SHISA9: variants seen among roughly 807,000 people sequenced by gnomAD.
SHISA9 encodes protein shisa-9.
A neutral mutation model predicts 38.0 loss-of-function variants in SHISA9; 13 were observed. The ratio of observed to expected loss-of-function variants is 0.34; its 90% CI spans 0.22 to 0.54. SHISA9 has a LOEUF of 0.54. Ranked by LOEUF, SHISA9 falls within the 20% of genes least tolerant of loss-of-function variation. The pLI, the probability that SHISA9 is intolerant of heterozygous loss-of-function variation, is 0.91. For synonymous variants in SHISA9, 275 were observed against 242.0 expected, an observed-to-expected ratio of 1.14 and a Z score of -1.27; for missense variants, 538 against 575.8, an observed-to-expected ratio of 0.93 and a Z score of 0.67.
the SHISA9 span, among the ~76,000 whole-genome samples, chr16:13,371,076 T>C: frequency 1.3e-5 from 2 of 152,208 alleles, no homozygotes; most frequent in Non-Finnish European, 2.9e-5. Context: ...ATTAACACCA[T>C]TTAACCTTTA....
At chr16:13,046,896 G>C (rs1171140926) in intron 2 of SHISA9, among the ~76,000 whole-genome samples, 2 of 151,964 alleles carry the variant, frequency 1.3e-5, no homozygotes, top group Non-Finnish European at 2.9e-5. Context: ...CATTCCCCCG[G>C]TTATGTCCTC....
chr16:13,110,596 G>C (rs896514060), intron 2 of SHISA9, among the ~76,000 whole-genome samples: 2 of 152,156 alleles, frequency 1.3e-5, no homozygotes, highest in African/African-American at 4.8e-5. Flanking sequence ...GGAGAGGAGA[G>C]CTGGAACTTG....
chr16:13,298,158 G>A, the SHISA9 span, among the ~76,000 whole-genome samples: 238 of 152,204 alleles, frequency 1.6e-3, no homozygotes, highest in Admixed American at 3.4e-3. Context: ...GCTGCTCTTC[G>A]TTCAAATACA....
intron 2 of SHISA9, among the ~76,000 whole-genome samples, chr16:13,063,246 T>A (rs1048620019): frequency 6.6e-6 from 1 of 152,098 alleles, no homozygotes; most frequent in Admixed American, 6.5e-5. Flanking sequence ...GACCTCGTGA[T>A]CTGCCCACCT....
chr16:13,230,073 C>G lies in SHISA9; in HGVS notation c.896-4957C>G, dbSNP rs16961458. 3.3e-5 allele frequency among the ~76,000 whole-genome samples: 5 copies of G among 152,226 alleles called. 1 individual carries two copies. The Middle Eastern group carries it at 0.01, about 311-fold the overall frequency. On this transcript the variant is annotated intron_variant, in intron 4 of 4. Transcript: ENST00000558583. ...CCCCTTTGTGTGCCCTTTCAGGGAG[C>G]AAACTAGGCCCTCAACAAACACGGT...
chr16:13,150,659 A>G (rs1448604041), intron 2 of SHISA9, among the ~76,000 whole-genome samples: 1 of 152,138 alleles, frequency 6.6e-6, no homozygotes, highest in Non-Finnish European at 1.5e-5. Flanking sequence ...ATGAATTTTT[A>G]AAAGGAGGTG....
chr16:13,127,144 GA>G (rs2050266453), intron 2 of SHISA9, among the ~76,000 whole-genome samples: 3 of 142,962 alleles, frequency 2.1e-5, no homozygotes, highest in African/African-American at 7.8e-5. Flanking sequence ...GAGAGAGAGA[GA>G]GTGAAGGAGG....
At chr16:13,147,373 C>T (rs971047436) in intron 2 of SHISA9, among the ~76,000 whole-genome samples, 50 of 150,732 alleles carry the variant, frequency 3.3e-4, no homozygotes, top group Admixed American at 6.6e-5. Context: ...ATAGTGACAG[C>T]AGGAACTAGA....
the SHISA9 span, among the ~76,000 whole-genome samples, chr16:13,353,494 T>G: frequency 5.0e-3 from 748 of 148,834 alleles, 4 homozygotes; most frequent in African/African-American, 8.7e-3. Flanking sequence ...AGTGTAAACC[T>G]GCAGTGTAAA....
chr16:13,248,546 G>C, the SHISA9 span, among the ~76,000 whole-genome samples: 1 of 152,154 alleles, frequency 6.6e-6, no homozygotes, highest in Non-Finnish European at 1.5e-5. Context: ...GATTTTCAGA[G>C]CCTAGTTTTT....
intron 3 of SHISA9, among the ~76,000 whole-genome samples, chr16:13,207,090 C>G (rs1380199436): frequency 6.6e-6 from 1 of 152,154 alleles, no homozygotes; most frequent in Non-Finnish European, 1.5e-5. Context: ...ATGGCAAAAC[C>G]CTGTCTCTAC....
the SHISA9 span, among the ~76,000 whole-genome samples, chr16:13,441,758 G>A: frequency 2.0e-5 from 3 of 152,056 alleles, no homozygotes; most frequent in Non-Finnish European, 2.9e-5. Context: ...ACCTGGTGCC[G>A]TCCCTATTGA....
chr16:13,100,594 T>C (rs1170738134), intron 2 of SHISA9, among the ~76,000 whole-genome samples: 14 of 152,184 alleles, frequency 9.2e-5, no homozygotes, highest in Non-Finnish European at 1.5e-5. Flanking sequence ...GTCCAAGAGA[T>C]TGAGAAGTTG....
At chr16:13,351,822 CTA>C in the SHISA9 span, among the ~76,000 whole-genome samples, 4 of 152,184 alleles carry the variant, frequency 2.6e-5, no homozygotes, top group Admixed American at 6.5e-5. Context: ...ATAATTTACT[CTA>C]GTCTGAAATA....
the SHISA9 span, among the ~76,000 whole-genome samples, chr16:13,248,172 T>A: frequency 6.6e-6 from 1 of 152,028 alleles, no homozygotes; most frequent in African/African-American, 2.4e-5. Context: ...CTCATGGGGG[T>A]TTGATTCTTT....
chr16:13,123,783 T>A (rs1403640853), intron 2 of SHISA9, among the ~76,000 whole-genome samples: 1 of 152,190 alleles, frequency 6.6e-6, no homozygotes, highest in Non-Finnish European at 1.5e-5. Context: ...TAGCTAACAG[T>A]GGGACTATGG....
chr16:13,345,038 G>T, the SHISA9 span, among the ~76,000 whole-genome samples: 1 of 152,120 alleles, frequency 6.6e-6, no homozygotes, highest in African/African-American at 2.4e-5. Flanking sequence ...CATAATTTTT[G>T]AATAAATCTC....
chr16:13,554,376 T>C, the SHISA9 span, among the ~76,000 whole-genome samples: 5 of 151,714 alleles, frequency 3.3e-5, no homozygotes, highest in African/African-American at 1.2e-4. Flanking sequence ...ACAGAGGACT[T>C]ATATGCTACA....
chr16:13,517,556 G>T, the SHISA9 span, among the ~76,000 whole-genome samples: 3 of 152,194 alleles, frequency 2.0e-5, no homozygotes, highest in African/African-American at 7.2e-5. Flanking sequence ...AATTCAGTAT[G>T]ATCCAATACT....
Sources: gnomAD v4.1 joint callset for allele counts (sites outside exome capture counted in the v4.1 genomes callset) on GRCh38, gnomAD v4.1.1 for gene constraint, MANE v1.5 for transcripts, NCBI Gene and HGNC (gene_info 2026-07-23, HGNC 2026-07-21) for gene names.